The following MIER1 variants were observed in gnomAD, a reference collection of about 807,000 sequenced individuals.
MIER1 encodes the protein mesoderm induction early response protein 1.
Under a neutral mutation model 75.7 loss-of-function variants are expected in MIER1, and 40 were observed. The observed-to-expected ratio is 0.53, with a 90% CI of 0.41 to 0.69. The LOEUF is 0.69. Ranked by LOEUF, MIER1 falls within the 30% of genes least tolerant of loss-of-function variation. The pLI is 0.00. For synonymous variants in MIER1, 213 were observed against 223.4 expected (o/e 0.95, Z 0.42); for missense variants, 574 against 680.2 (o/e 0.84, Z 1.74).
At chr1:66,980,824 A>C (rs776909464) in intron 12 of MIER1, among the ~76,000 whole-genome samples, 8 of 151,958 alleles carry the variant, frequency 5.3e-5, no homozygotes, top group Non-Finnish European at 1.0e-4. Context: ...CTTTTTCTGT[A>C]ACAGGTAGAG....
In MIER1 at chr1:66,930,445, C is replaced by A. The variant is rs747650013; in HGVS notation, c.168+4203C>A. 868 of 1,598,902 alleles carry A rather than the reference C, an allele frequency of 5.4e-4. 1 individual carries two copies. The highest frequency in any genetic ancestry group is 7.1e-4 in the Non-Finnish European group (832 of 1,174,236). On this transcript the variant is annotated intron_variant, in intron 2 of 13. Coordinates refer to ENST00000401041, the MANE Select transcript of MIER1 (RefSeq NM_001077700.3). Reference sequence around the variant, plus strand: ...CTCCCTGTCCCGGAGCCGGGCGCCCCCGGCCCTGGGCCGGGGAGGAGTGGA... The same window carrying A: ...CTCCCTGTCCCGGAGCCGGGCGCCCACGGCCCTGGGCCGGGGAGGAGTGGA...
chr1:66,977,488 C>G (rs1040247361), intron 12 of MIER1, among the ~76,000 whole-genome samples: 1 of 152,150 alleles, frequency 6.6e-6, no homozygotes, highest in Non-Finnish European at 1.5e-5. Flanking sequence ...TTTCCTCTAA[C>G]AAGTAATATT....
At chr1:66,976,093 G>A (rs749019290) in intron 11 of MIER1, among the ~76,000 whole-genome samples, 4 of 151,574 alleles carry the variant, frequency 2.6e-5, no homozygotes, top group Non-Finnish European at 5.9e-5. Flanking sequence ...CCCACCCCCT[G>A]CTGGGGTTCA....
chr1:66,964,263 T>G (rs1181204642), intron 8 of MIER1, among the ~76,000 whole-genome samples: 1 of 149,896 alleles, frequency 6.7e-6, no homozygotes, highest in East Asian at 2.0e-4. Flanking sequence ...TTAGTAGAGA[T>G]AGGGTTTCGC....
intron 8 of MIER1, among the ~76,000 whole-genome samples, chr1:66,967,994 C>T (rs1393371542): frequency 6.6e-6 from 1 of 152,072 alleles, no homozygotes; most frequent in African/African-American, 2.4e-5. Flanking sequence ...ATATCTTTCT[C>T]TTGTCTAATT....
intron 12 of MIER1, among the ~76,000 whole-genome samples, chr1:66,978,609 A>C (rs908538239): frequency 6.6e-6 from 1 of 152,234 alleles, no homozygotes; most frequent in Non-Finnish European, 1.5e-5. Context: ...CATGATTTTC[A>C]AGGTATTATA....
At chr1:66,957,267 C>T (rs191036912) in intron 4 of MIER1, among the ~76,000 whole-genome samples, 6 of 152,194 alleles carry the variant, frequency 3.9e-5, no homozygotes, top group African/African-American at 1.2e-4. Flanking sequence ...TTTTCATCCA[C>T]GGAGGGTCTG....
In MIER1 at chr1:66,984,612, G is replaced by A. The variant is rs115860859; in HGVS notation, c.1410G>A (p.Glu470=). 1,317 of 1,609,280 alleles carry A rather than the reference G, an allele frequency of 8.2e-4. 9 individuals carry two copies. The African/African-American group carries it at 0.016, about 20-fold the overall frequency. The part of the protein sequence containing the change: ...SNGPGEILNK[E]EVKVEGLHIN... ...GACCAGGTGAAATATTAAACAAAGA[G>A]GAAGTAAAAGTTGAAGGGTTACACA... Residue 470 remains glutamate, a synonymous_variant, in exon 14 of 14, where the codon GAG becomes GAA. Coordinates refer to ENST00000401041, the MANE Select transcript of MIER1 (RefSeq NM_001077700.3).
intron 3 of MIER1, among the ~76,000 whole-genome samples, chr1:66,941,070 A>G (rs1656090544): frequency 6.6e-6 from 1 of 152,210 alleles, no homozygotes; most frequent in South Asian, 2.1e-4. Context: ...AAGTTTTAGA[A>G]AGAAAGCTTT....
At chr1:66,962,348 C>T (rs576711766) in intron 7 of MIER1, among the ~76,000 whole-genome samples, 3 of 152,272 alleles carry the variant, frequency 2.0e-5, no homozygotes, top group African/African-American at 7.2e-5. Context: ...TTTCATTTGG[C>T]CCCTACTGAG....
At chr1:66,959,128 T>G in intron 6 of MIER1, 145 bp downstream of exon 6, 1 of 686,170 alleles carries the variant, frequency 1.5e-6, no homozygotes, top group Non-Finnish European at 2.4e-6. Context: ...AAGTTATTAG[T>G]TTAGCAATGC....
At position 66,946,257 on chromosome 1, in the gene MIER1, G is replaced by A; in HGVS notation, c.301G>A (p.Glu101Lys). 6.2e-7 allele frequency: 1 copy of A among 1,610,060 alleles called. No individual in the cohort carries two copies. Among genetic ancestry groups the A allele is most frequent in the South Asian group, 1.1e-5 (1 of 90,306 alleles). ...AGAAGAGGAAGAAATGATGGAAGGA[G>A]AAACAAACTTCAGCTCTGAAATAGA... is the stretch of plus-strand genomic sequence containing the variant. ...TLEEEEMMEGETNFSSEIEDL... is the reference protein window; with the variant it reads ...TLEEEEMMEGKTNFSSEIEDL... Residue 101 changes from glutamate to lysine, a missense_variant, in exon 4 of 14, where the codon GAA becomes AAA. Around this residue, in one of 3 missense-constraint regions of MIER1, gnomAD observed 309 missense variants for 352.8 expected, o/e 0.88. Transcript: ENST00000401041.
intron 2 of MIER1, among the ~76,000 whole-genome samples, chr1:66,928,207 A>G (rs553605634): frequency 1.3e-5 from 2 of 152,134 alleles, no homozygotes; most frequent in South Asian, 4.1e-4. Flanking sequence ...TTGATACACA[A>G]TATTAATAAA....
chr1:66,939,882 G>GAAAATGCAGACATTAAAACT (rs1264734204), intron 2 of MIER1, 146 bp from the exon 3 acceptor site: 3 of 588,166 alleles, frequency 5.1e-6, no homozygotes, highest in East Asian at 6.0e-5. Flanking sequence ...GTTTGTCTTG[G>GAAAATGCAGACATTAAAACT]AAAATGCAGA....
At chr1:66,980,568 TC>T (rs1365007241) in intron 12 of MIER1, among the ~76,000 whole-genome samples, 1 of 152,218 alleles carries the variant, frequency 6.6e-6, no homozygotes, top group Non-Finnish European at 1.5e-5. Context: ...TTCAGAAAAT[TC>T]CTCAGAGCTT....
chr1:66,958,908 G>A lies in MIER1; in HGVS notation c.559G>A (p.Asp187Asn). Residue 187 changes from aspartate to asparagine, a missense_variant, in exon 6 of 14, where the codon GAT becomes AAT. By Grantham distance (23) the Asp-to-Asn change is conservative. Transcript: ENST00000401041. ...QEDETQSSND[D>N]PSQSVASQDA... The stretch of plus-strand genomic sequence containing the variant: ...GGATGAAACTCAGTCTTCCAATGAT[G>A]ATCCATCACAATCTGTTGCTTCTCA... 1 of 1,611,580 alleles carries A rather than the reference G, an allele frequency of 6.2e-7. No individual in the cohort carries two copies. Among genetic ancestry groups the A allele is most frequent in the Non-Finnish European group, 8.5e-7 (1 of 1,178,036 alleles).
intron 8 of MIER1, among the ~76,000 whole-genome samples, chr1:66,967,045 G>T (rs1303496954): frequency 2.6e-5 from 4 of 152,104 alleles, no homozygotes; most frequent in Non-Finnish European, 5.9e-5. Flanking sequence ...TGCTTTGGTT[G>T]CCTGTGCTTG....
chr1:66,952,834 G>A (rs994977655), intron 4 of MIER1, among the ~76,000 whole-genome samples: 3 of 152,102 alleles, frequency 2.0e-5, no homozygotes, highest in Non-Finnish European at 4.4e-5. Flanking sequence ...TTACATGGAC[G>A]GTGTTTCGCC....
At chr1:66,975,046 A>G (rs1351515949) in intron 11 of MIER1, among the ~76,000 whole-genome samples, 1 of 152,198 alleles carries the variant, frequency 6.6e-6, no homozygotes, top group African/African-American at 2.4e-5. Context: ...TCTCAGAGCA[A>G]TATGGATCAG....
Sources: allele counts gnomAD v4.1 joint callset (sites outside exome capture counted in the v4.1 genomes callset), GRCh38; gene constraint gnomAD v4.1.1; regional missense constraint gnomAD v4.1.1; transcripts MANE v1.5; gene names NCBI Gene and HGNC (gene_info 2026-07-23, HGNC 2026-07-21).